The following NXPE4 variants were observed in gnomAD, a reference collection of about 807,000 sequenced individuals.
NXPE4 encodes neurexophilin and PC-esterase domain family member 4, also known as NXPE family member 4.
NXPE4 carries 42 observed loss-of-function variants against 33.3 expected under a neutral mutation model. The observed-to-expected ratio is 1.26, with a 90% CI of 0.98 to 1.63. NXPE4 has a LOEUF of 1.63. Ranked by LOEUF, NXPE4 falls within the 40% of genes most tolerant of loss-of-function variation. The probability of loss-of-function intolerance (pLI) is 0.00; values close to 1 mark genes in which losing one functional copy is unlikely to be tolerated. For synonymous variants in NXPE4, 253 were observed against 234.9 expected, an observed-to-expected ratio of 1.08 and a Z score of -0.71; for missense variants, 709 against 647.6, an observed-to-expected ratio of 1.09 and a Z score of -1.03.
At chr11:114,645,211 G>C in the NXPE4 span, among the ~76,000 whole-genome samples, 1 of 152,012 alleles carries the variant, frequency 6.6e-6, no homozygotes, top group African/African-American at 2.4e-5. Flanking sequence ...TGAGGCAGGA[G>C]AATCACTTGA....
At chr11:114,607,922 A>G in the NXPE4 span, among the ~76,000 whole-genome samples, 1 of 151,964 alleles carries the variant, frequency 6.6e-6, no homozygotes, top group African/African-American at 2.4e-5. Context: ...AATGGATAAT[A>G]AGTATTGCCT....
intron 2 of NXPE4, chr11:114,584,537 G>A: frequency 1.2e-5 from 2 of 165,660 alleles, no homozygotes; most frequent in Non-Finnish European, 2.6e-5. Context: ...AGGAGGGAGA[G>A]CGTGGCTGCA....
chr11:114,577,613 T>C (rs2135204279), intron 5 of NXPE4, among the ~76,000 whole-genome samples: 1 of 152,288 alleles, frequency 6.6e-6, no homozygotes, highest in Middle Eastern at 3.4e-3. Context: ...CGCCACCTTA[T>C]AGAATCATGT....
chr11:114,633,382 T>C, the NXPE4 span, among the ~76,000 whole-genome samples: 2 of 143,700 alleles, frequency 1.4e-5, no homozygotes, highest in African/African-American at 5.1e-5. Flanking sequence ...TATTATGTAT[T>C]ATATTATATA....
chr11:114,584,291 G>T, intron 2 of NXPE4: 1 of 511,100 alleles, frequency 2.0e-6, no homozygotes, highest in Non-Finnish European at 4.0e-6. Flanking sequence ...CCCTACATCA[G>T]TCCTTCCAAT....
intron 2 of NXPE4, among the ~76,000 whole-genome samples, chr11:114,587,095 C>A (rs1298511176): frequency 6.6e-6 from 1 of 152,170 alleles, no homozygotes; most frequent in East Asian, 1.9e-4. Context: ...CGGAAACACT[C>A]TTAACTTCCT....
chr11:114,591,712 T>A (rs754753999), intron 2 of NXPE4, among the ~76,000 whole-genome samples: 1 of 152,184 alleles, frequency 6.6e-6, no homozygotes, highest in South Asian at 2.1e-4. Flanking sequence ...CTTCACCAAA[T>A]ATACCTCAAA....
intron 2 of NXPE4, among the ~76,000 whole-genome samples, chr11:114,587,138 C>A (rs777474620): frequency 2.6e-5 from 4 of 152,124 alleles, no homozygotes; most frequent in Admixed American, 6.5e-5. Flanking sequence ...CTACAAGAGA[C>A]CAGGCTTTAT....
the NXPE4 span, among the ~76,000 whole-genome samples, chr11:114,658,901 G>T: frequency 1.3e-5 from 2 of 152,286 alleles, no homozygotes; most frequent in South Asian, 4.1e-4. Context: ...CAGGTAGAAA[G>T]CAACAGCAAT....
chr11:114,615,308 C>T, the NXPE4 span, among the ~76,000 whole-genome samples: 2 of 151,912 alleles, frequency 1.3e-5, no homozygotes, highest in Non-Finnish European at 2.9e-5. Context: ...ATAAATATTG[C>T]CTTGTGGGTA....
chr11:114,640,434 G>A, the NXPE4 span, among the ~76,000 whole-genome samples: 6 of 151,486 alleles, frequency 4.0e-5, no homozygotes, highest in South Asian at 1.2e-3. Flanking sequence ...ACGTGCAGAT[G>A]TCTTTTGATG....
the NXPE4 span, among the ~76,000 whole-genome samples, chr11:114,613,243 C>A: frequency 6.6e-6 from 1 of 152,016 alleles, no homozygotes; most frequent in South Asian, 2.1e-4. Context: ...ACCACTGTTA[C>A]CCGGTGGATA....
chr11:114,577,028 CATATATATATATAAAGTTATATATAT>C lies in NXPE4; in HGVS notation c.1099+3078_1099+3103del, dbSNP rs1565329188. The stretch of plus-strand genomic sequence containing the variant: ...ATAAAGTTATATATATATATATATA[CATATATATATATAAAGTTATATATAT>C]ATACATATATATATATAAAGTTATA... On this transcript the variant is annotated intron_variant, in intron 5 of 5. Coordinates refer to ENST00000375478, the MANE Select transcript of NXPE4 (RefSeq NM_001077639.2). Among the ~76,000 whole-genome samples, 16 of 95,012 alleles carry C rather than the reference CATATATATATATAAAGTTATATATAT, an allele frequency of 1.7e-4. No homozygotes were observed. The East Asian group carries it at 2.6e-3, about 16-fold the overall frequency. The allele number at this position is 95,012 out of a possible 152,430, so 62.3% of individuals were successfully genotyped here.
intron 2 of NXPE4, chr11:114,583,633 G>T: frequency 1.7e-6 from 1 of 591,384 alleles, no homozygotes. Context: ...TTAATGAGCA[G>T]CAGATGGACA....
the NXPE4 span, among the ~76,000 whole-genome samples, chr11:114,636,948 G>A: frequency 1.3e-5 from 2 of 152,122 alleles, no homozygotes; most frequent in African/African-American, 4.8e-5. Context: ...TGTTGATTTG[G>A]GGTGGAGAGT....
At chr11:114,588,836 A>C (rs1367761258) in intron 2 of NXPE4, among the ~76,000 whole-genome samples, 1 of 152,164 alleles carries the variant, frequency 6.6e-6, no homozygotes, top group Non-Finnish European at 1.5e-5. Flanking sequence ...GATTCAGTAG[A>C]GGGACAGCTC....
At chr11:114,634,574 T>C in the NXPE4 span, among the ~76,000 whole-genome samples, 2 of 152,042 alleles carry the variant, frequency 1.3e-5, no homozygotes, top group African/African-American at 4.8e-5. Context: ...CTAGGTTTTC[T>C]TCTAGGGTTT....
At chr11:114,602,005 T>C in the NXPE4 span, among the ~76,000 whole-genome samples, 1 of 86,550 alleles carries the variant, frequency 1.2e-5, no homozygotes, top group South Asian at 4.1e-4. Context: ...GTATCTAATG[T>C]ATTATATTAT....
chr11:114,623,009 G>A, the NXPE4 span, among the ~76,000 whole-genome samples: 13 of 151,660 alleles, frequency 8.6e-5, no homozygotes, highest in Non-Finnish European at 1.2e-4. Flanking sequence ...TGGATAATAA[G>A]TGTTGCCTTG....
Sources: gnomAD v4.1 joint callset for allele counts (sites outside exome capture counted in the v4.1 genomes callset) on GRCh38, gnomAD v4.1.1 for gene constraint, MANE v1.5 for transcripts, NCBI Gene and HGNC (gene_info 2026-07-23, HGNC 2026-07-21) for gene names.